The following MRTFB variants were observed in gnomAD, a reference collection of about 807,000 sequenced individuals.
MRTFB encodes the protein myocardin-related transcription factor B.
In MRTFB, 29 loss-of-function variants were observed where a neutral mutation model predicts 104.2. That is an observed-to-expected ratio of 0.28 (90% CI 0.21 to 0.38). MRTFB has a LOEUF of 0.38. Ranked by LOEUF, MRTFB falls within the 10% of genes least tolerant of loss-of-function variation. MRTFB has a pLI of 1.00. For missense variants in MRTFB, 1,270 were observed against 1,341.6 expected, an observed-to-expected ratio of 0.95 and a Z score of 0.83; for synonymous variants, 535 against 519.5, an observed-to-expected ratio of 1.03 and a Z score of -0.41.
At chr16:14,004,922 G>A in the MRTFB span, among the ~76,000 whole-genome samples, 1 of 152,252 alleles carries the variant, frequency 6.6e-6, no homozygotes, top group African/African-American at 2.4e-5. Flanking sequence ...CTCAGTTTCT[G>A]AGGCCCGGTT....
chr16:14,221,293 G>A (rs192017773), intron 8 of MRTFB, among the ~76,000 whole-genome samples: 5 of 152,302 alleles, frequency 3.3e-5, no homozygotes, highest in African/African-American at 7.2e-5. Flanking sequence ...CTCACTTGAT[G>A]TATATAAAAT....
At chr16:14,225,331 A>G (rs2041951429) in intron 8 of MRTFB, among the ~76,000 whole-genome samples, 1 of 152,250 alleles carries the variant, frequency 6.6e-6, no homozygotes, top group Non-Finnish European at 1.5e-5. Context: ...CACACAGTAT[A>G]TAACAACGTA....
the MRTFB span, among the ~76,000 whole-genome samples, chr16:14,044,973 A>G: frequency 6.6e-6 from 1 of 152,060 alleles, no homozygotes; most frequent in Admixed American, 6.6e-5. Flanking sequence ...CTTCCCACTG[A>G]CCAGCCCTAC....
At chr16:14,049,507 A>C in the MRTFB span, among the ~76,000 whole-genome samples, 3 of 152,264 alleles carry the variant, frequency 2.0e-5, no homozygotes, top group African/African-American at 7.2e-5. Context: ...GTTCCAGATT[A>C]AATGTGAGTG....
intron 3 of MRTFB, among the ~76,000 whole-genome samples, chr16:14,205,586 T>A (rs1425873697): frequency 6.6e-6 from 1 of 152,242 alleles, no homozygotes; most frequent in African/African-American, 2.4e-5. Flanking sequence ...ATGTGTTGGA[T>A]TGTTTAGCCT....
At chr16:14,081,282 G>A (rs777035972) in intron 2 of MRTFB, among the ~76,000 whole-genome samples, 8 of 141,958 alleles carry the variant, frequency 5.6e-5, no homozygotes, top group Non-Finnish European at 9.1e-5. Flanking sequence ...CTGGCTATTC[G>A]TATGCTGCCT....
chr16:14,041,723 T>C, the MRTFB span, among the ~76,000 whole-genome samples: 1 of 151,796 alleles, frequency 6.6e-6, no homozygotes, highest in Non-Finnish European at 1.5e-5. Flanking sequence ...TGTCAGGAGT[T>C]TGAGACTAGC....
chr16:14,181,922 T>C (rs1223733038), intron 3 of MRTFB, among the ~76,000 whole-genome samples: 1 of 152,212 alleles, frequency 6.6e-6, no homozygotes, highest in African/African-American at 2.4e-5. Flanking sequence ...TGGACTTGAT[T>C]TATGGTCATC....
chr16:14,063,604 T>C, the MRTFB span, among the ~76,000 whole-genome samples: 1 of 152,168 alleles, frequency 6.6e-6, no homozygotes, highest in South Asian at 2.1e-4. Flanking sequence ...GAACATGTGA[T>C]GTTTGGTTTT....
chr16:14,200,155 A>G (rs2040618476), intron 3 of MRTFB: 1 of 755,408 alleles, frequency 1.3e-6, no homozygotes, highest in Non-Finnish European at 2.1e-6. Flanking sequence ...GTATATCATC[A>G]AAGGATGCCC....
At chr16:14,189,165 T>C (rs916852449) in intron 3 of MRTFB, among the ~76,000 whole-genome samples, 2 of 152,200 alleles carry the variant, frequency 1.3e-5, no homozygotes, top group African/African-American at 4.8e-5. Flanking sequence ...AAGGATTAGA[T>C]CTGGATTTAA....
chr16:14,130,207 C>G (rs1029566487), intron 2 of MRTFB, among the ~76,000 whole-genome samples: 1 of 152,128 alleles, frequency 6.6e-6, no homozygotes, highest in Admixed American at 6.6e-5. Context: ...ATTCTGGATA[C>G]AAGTCCTTAT....
intron 3 of MRTFB, among the ~76,000 whole-genome samples, chr16:14,168,523 C>T (rs1386589009): frequency 6.6e-6 from 1 of 152,192 alleles, no homozygotes; most frequent in Non-Finnish European, 1.5e-5. Context: ...AGGCTTCTTG[C>T]ATTCAGCATG....
chr16:14,188,889 TATATATC>T, intron 3 of MRTFB, among the ~76,000 whole-genome samples: 1 of 152,362 alleles, frequency 6.6e-6, no homozygotes, highest in Non-Finnish European at 1.5e-5. Flanking sequence ...ATAGAAGTGT[TATATATC>T]TTATTGTTTT....
At chr16:14,238,893 G>A (rs1410465412) in intron 9 of MRTFB, among the ~76,000 whole-genome samples, 1 of 152,188 alleles carries the variant, frequency 6.6e-6, no homozygotes, top group East Asian at 1.9e-4. Flanking sequence ...ATTATGTCCA[G>A]TAGTATGCCG....
chr16:14,204,640 A>G (rs2040861366), intron 3 of MRTFB, among the ~76,000 whole-genome samples: 1 of 152,220 alleles, frequency 6.6e-6, no homozygotes, highest in South Asian at 2.1e-4. Flanking sequence ...TCAAAATTAT[A>G]CACCCTTTTC....
chr16:14,242,534 T>C (rs1233898279), intron 10 of MRTFB, among the ~76,000 whole-genome samples: 3 of 152,184 alleles, frequency 2.0e-5, no homozygotes, highest in African/African-American at 7.2e-5. Flanking sequence ...AAACTGAATG[T>C]GGAAGTCATA....
the MRTFB span, among the ~76,000 whole-genome samples, chr16:14,045,540 G>T: frequency 6.6e-6 from 1 of 152,200 alleles, no homozygotes; most frequent in African/African-American, 2.4e-5. Flanking sequence ...CCAAGTTCTT[G>T]GGAGGGTTAA....
rs2035984666 is a variant in MRTFB, at chr16:14,106,512, C to T, written c.-64+27158C>T. ...AGACTGAATCAGCTACGCCACTTGA[C>T]TGTAACTATGTGAGTGAGTTATTTA... is the stretch of plus-strand genomic sequence containing the variant. On this transcript the variant is annotated intron_variant, in intron 2 of 16. Coordinates refer to ENST00000571589, the MANE Select transcript of MRTFB (RefSeq NM_001308142.2). Among the ~76,000 whole-genome samples the T allele has an allele frequency of 2.0e-5, 3 of 151,996 alleles. No homozygotes were observed. In the South Asian group the frequency reaches 6.2e-4, roughly 32 times the overall value.
Sources: allele counts gnomAD v4.1 joint callset (sites outside exome capture counted in the v4.1 genomes callset), GRCh38; gene constraint gnomAD v4.1.1; transcripts MANE v1.5; gene names NCBI Gene and HGNC (gene_info 2026-07-23, HGNC 2026-07-21).